Variants in PIEZO2 observed in about 807,000 individuals in gnomAD.
PIEZO2 encodes the protein piezo-type mechanosensitive ion channel component 2.
A neutral mutation model predicts 337.3 loss-of-function variants in PIEZO2; 172 were observed. That is an observed-to-expected ratio of 0.51 (90% CI 0.45 to 0.58). PIEZO2 has a LOEUF of 0.58. PIEZO2 is among the 20% of genes least tolerant of loss of function. The probability of loss-of-function intolerance (pLI) is 0.00; values close to 1 mark genes in which losing one functional copy is unlikely to be tolerated. For synonymous variants in PIEZO2, 1,251 were observed against 1,228.5 expected (o/e 1.02, Z -0.38); for missense variants, 3,028 against 3,391.3 (o/e 0.89, Z 2.66).
intron 2 of PIEZO2, among the ~76,000 whole-genome samples, chr18:10,981,148 A>G (rs1391641742): frequency 6.6e-6 from 1 of 152,104 alleles, no homozygotes; most frequent in Non-Finnish European, 1.5e-5. Flanking sequence ...TCGTATATAT[A>G]TATGTGTATA....
chr18:10,941,293 C>T (rs551021925), intron 3 of PIEZO2, among the ~76,000 whole-genome samples: 2 of 152,270 alleles, frequency 1.3e-5, no homozygotes, highest in South Asian at 2.1e-4. Flanking sequence ...GAATTGTCTT[C>T]CCTTTCCCTT....
At chr18:10,999,588 T>A (rs962597774) in intron 2 of PIEZO2, among the ~76,000 whole-genome samples, 3 of 152,144 alleles carry the variant, frequency 2.0e-5, no homozygotes, top group African/African-American at 7.2e-5. Flanking sequence ...GCATGGGTTA[T>A]AAGCAAATAT....
At position 11,048,517 on chromosome 18, in the gene PIEZO2, T is replaced by A. The variant is rs539774118; in HGVS notation, c.160+17610A>T. On this transcript the variant is annotated intron_variant, in intron 2 of 55. Coordinates refer to ENST00000674853, the MANE Select transcript of PIEZO2 (RefSeq NM_001378183.1). The surrounding 1 kb of genome is among the most constrained non-coding windows in gnomAD (Gnocchi z 4.5). ...GCACAGTAATTGTCTACTTACATGTTGGAAGGCAAGTGCCCAACATGCATA... is the reference window on the plus strand; with the variant it reads ...GCACAGTAATTGTCTACTTACATGTAGGAAGGCAAGTGCCCAACATGCATA... 6.6e-6 allele frequency among the ~76,000 whole-genome samples: 1 copy of A among 152,384 alleles called. No individual in the cohort carries two copies. The highest frequency in any genetic ancestry group is 2.1e-4 in the South Asian group (1 of 4,834).
chr18:11,027,488 T>G lies in PIEZO2; in HGVS notation c.160+38639A>C, dbSNP rs1445797516. Among the ~76,000 whole-genome samples the G allele has an allele frequency of 3.9e-5, 6 of 152,266 alleles. No individual in the cohort carries two copies. In the East Asian group the frequency reaches 1.2e-3, roughly 29 times the overall value. ...GCAGGAGATATAATCATTTAAAATT[T>G]AATTTTCAAGATGATATAGGTTTTG... On this transcript the variant is annotated intron_variant, in intron 2 of 55. Coordinates refer to ENST00000674853, the MANE Select transcript of PIEZO2 (RefSeq NM_001378183.1). The surrounding 1 kb of genome is among the most constrained non-coding windows in gnomAD (Gnocchi z 4.2).
chr18:10,846,754 G>A lies in PIEZO2; in HGVS notation c.917+8599C>T, dbSNP rs901300132. On this transcript the variant is annotated intron_variant, in intron 7 of 55. Transcript: ENST00000674853. This position sits in a 1 kb window ranked among gnomAD's most constrained non-coding sequence, Gnocchi z 4.1. ...GGAAGGTTCTGGAAGGAGGTGCATG[G>A]GTAGGTTTAAGGGACAAACAGGAGC... 1.3e-5 allele frequency among the ~76,000 whole-genome samples: 2 copies of A among 152,110 alleles called. No homozygotes were observed. Among genetic ancestry groups the A allele is most frequent in the African/African-American group, 4.8e-5 (2 of 41,424 alleles).
At chr18:10,892,642 G>T (rs1864341092) in intron 4 of PIEZO2, among the ~76,000 whole-genome samples, 1 of 151,970 alleles carries the variant, frequency 6.6e-6, no homozygotes, top group African/African-American at 2.4e-5. Context: ...GCACCTCAAT[G>T]AACCAGAGAG....
At chr18:10,732,167 A>C (rs62095626) in intron 35 of PIEZO2, among the ~76,000 whole-genome samples, 49,495 of 152,008 alleles carry the variant, frequency 0.33, 8,914 homozygotes, top group East Asian at 0.53. Context: ...AATATATTAT[A>C]ACTGAGAACC....
chr18:10,816,011 A>G (rs2040353429), intron 7 of PIEZO2, among the ~76,000 whole-genome samples: 1 of 152,214 alleles, frequency 6.6e-6, no homozygotes, highest in Admixed American at 6.5e-5. Context: ...GGGAAACACA[A>G]CACAGGTACC....
In PIEZO2 at chr18:10,726,526, G is replaced by T. The variant is rs540061106; in HGVS notation, c.5029+4881C>A. The T allele has an allele frequency of 6.8e-7, 1 of 1,470,054 alleles. No homozygotes were observed. The highest frequency in any genetic ancestry group is 1.4e-5 in the African/African-American group (1 of 71,198). 91.1% of individuals were successfully genotyped at this position (1,470,054 alleles called of 1,614,324 possible). A position where few individuals can be genotyped will look rare whatever the true frequency, so the allele number is the denominator to read the frequency against. ...AGCAGCCGTTCCTGTGGCGCGCTGC[G>T]CTGCTCTGCTCTGCTACACCAGCCG... On this transcript the variant is annotated intron_variant, in intron 36 of 55. Transcript: ENST00000674853. The surrounding 1 kb of genome is among the most constrained non-coding windows in gnomAD (Gnocchi z 5.9).
Position 11,016,314 on chromosome 18 carries a change from C to A in PIEZO2, c.161-36654G>T, listed in dbSNP as rs149069157. On this transcript the variant is annotated intron_variant, in intron 2 of 55. Transcript: ENST00000674853. The surrounding 1 kb of genome is among the most constrained non-coding windows in gnomAD (Gnocchi z 5.6). ...ATCACAGGAGAGACACAGAATGTGG[C>A]GGTAGAGACGGTCAGAGCGAAAAAA... Among the ~76,000 whole-genome samples, 1 of 152,088 alleles carries A rather than the reference C, an allele frequency of 6.6e-6. No individual in the cohort carries two copies. Among genetic ancestry groups the A allele is most frequent in the Non-Finnish European group, 1.5e-5 (1 of 68,022 alleles).
intron 1 of PIEZO2, among the ~76,000 whole-genome samples, chr18:11,090,277 G>C (rs2039036634): frequency 7.9e-5 from 12 of 151,884 alleles, no homozygotes; most frequent in Admixed American, 7.9e-4. Context: ...AGAAATAAAA[G>C]AGAGAGAGAG....
chr18:10,957,915 C>T (rs953915436), intron 3 of PIEZO2, among the ~76,000 whole-genome samples: 2 of 152,104 alleles, frequency 1.3e-5, no homozygotes, highest in East Asian at 1.9e-4. Context: ...GAAAAACTGC[C>T]CTACATCTTC....
At chr18:10,760,458 C>T (rs1410207012) in intron 24 of PIEZO2, among the ~76,000 whole-genome samples, 2 of 152,144 alleles carry the variant, frequency 1.3e-5, no homozygotes, top group Non-Finnish European at 2.9e-5. Context: ...GCGTGCACCA[C>T]CACGCCTGGA....
intron 2 of PIEZO2, among the ~76,000 whole-genome samples, chr18:11,000,246 C>T (rs374041233): frequency 6.6e-6 from 1 of 152,168 alleles, no homozygotes; most frequent in Non-Finnish European, 1.5e-5. Context: ...ATGGAATTCC[C>T]CACTGTGCCC....
intron 22 of PIEZO2, 115 bp from the exon 23 acceptor site, chr18:10,762,740 C>T: frequency 7.3e-7 from 1 of 1,363,298 alleles, no homozygotes; most frequent in Non-Finnish European, 9.8e-7. Context: ...AGGGACAGGC[C>T]CATTTCAGGG....
In PIEZO2 at chr18:10,759,617, A is replaced by C; in HGVS notation, c.3656-34T>G. ...AGGGAAGTGGCGAACAGCACAATCA[A>C]TACTCTTCTTCACCACTCTTCTCCC... On this transcript the variant is annotated intron_variant, in intron 25 of 55. Transcript: ENST00000674853. The surrounding 1 kb of genome is among the most constrained non-coding windows in gnomAD (Gnocchi z 5.5). The C allele has an allele frequency of 6.5e-7, 1 of 1,535,168 alleles. No individual in the cohort carries two copies. Among genetic ancestry groups the C allele is most frequent in the Non-Finnish European group, 8.7e-7 (1 of 1,144,984 alleles).
rs148416497 is a variant in PIEZO2 at position 10,696,121 on chromosome 18, G to A, written c.7143C>T (p.Phe2381=). 73 of 1,614,132 alleles carry A rather than the reference G, an allele frequency of 4.5e-5. No homozygotes were observed. In the East Asian group the frequency reaches 5.1e-4, roughly 11 times the overall value. The change falls in exon 47 of 56, where the codon TTC becomes TTT. Residue 2381 remains phenylalanine, a synonymous_variant. Coordinates refer to ENST00000674853, the MANE Select transcript of PIEZO2 (RefSeq NM_001378183.1). ...TGAAGAACATCCAGAAGTGAATTCC[G>A]AACACAAGAATGACCTGGAAGATGA... ...GKVIFQVILV[F]GIHFWMFFIL...
chr18:10,959,021 CAAT>C (rs1418776709), intron 3 of PIEZO2, among the ~76,000 whole-genome samples: 1 of 152,132 alleles, frequency 6.6e-6, no homozygotes, highest in Non-Finnish European at 1.5e-5. Flanking sequence ...GTGACTGTTA[CAAT>C]GTCTACCTAT....
At chr18:10,997,110 A>G (rs1461870825) in intron 2 of PIEZO2, among the ~76,000 whole-genome samples, 1 of 152,118 alleles carries the variant, frequency 6.6e-6, no homozygotes, top group African/African-American at 2.4e-5. Flanking sequence ...TCCCAAACTG[A>G]TAATTGAACG....
Sources: gnomAD v4.1 joint callset for allele counts (sites outside exome capture counted in the v4.1 genomes callset) on GRCh38, gnomAD v4.1.1 for gene constraint, Gnocchi (gnomAD v3.1) non-coding constraint, MANE v1.5 for transcripts, NCBI Gene and HGNC (gene_info 2026-07-23, HGNC 2026-07-21) for gene names.